Variants in MED13L observed in about 807,000 individuals in gnomAD.
The protein encoded by MED13L is mediator complex subunit 13L, also known as mediator of RNA polymerase II transcription subunit 13-like.
Under a neutral mutation model 220.9 loss-of-function variants are expected in MED13L, and 7 were observed. The ratio of observed to expected loss-of-function variants is 0.03; its 90% CI spans 0.02 to 0.06. MED13L has a LOEUF of 0.06. MED13L is among the 10% of genes least tolerant of loss of function. The pLI is 1.00. For missense variants in MED13L, 1,965 were observed against 2,760.5 expected, an observed-to-expected ratio of 0.71 and a Z score of 6.46; for synonymous variants, 1,011 against 1,015.2, an observed-to-expected ratio of 1.00 and a Z score of 0.08.
intron 4 of MED13L, among the ~76,000 whole-genome samples, chr12:116,033,601 T>C (rs1880988424): frequency 6.6e-6 from 1 of 152,204 alleles, no homozygotes; most frequent in Admixed American, 6.5e-5. Context: ...CATCAAAATA[T>C]ATTGTTTCAA....
chr12:116,198,261 C>A (rs1433317191), intron 2 of MED13L, among the ~76,000 whole-genome samples: 2 of 152,088 alleles, frequency 1.3e-5, no homozygotes, highest in African/African-American at 4.8e-5. Flanking sequence ...CTGTCCTCAC[C>A]CTACCTTTTT....
chr12:115,966,218 C>T lies in MED13L; in HGVS notation c.6251G>A (p.Arg2084Lys), dbSNP rs1321541569. ...SRSQGERLLSREAPEELKQQP... is the reference protein window; with the variant it reads ...SRSQGERLLSKEAPEELKQQP... ...CTGCTTTAGCTCCTCTGGTGCTTCTCTAGAAAGAAGACGCTCACCCTGGCT... is the reference window on the plus strand; with the variant it reads ...CTGCTTTAGCTCCTCTGGTGCTTCTTTAGAAAGAAGACGCTCACCCTGGCT... The change falls in exon 29 of 31, where the codon AGA becomes AAA. Residue 2084 changes from arginine to lysine, a missense_variant. Around this residue, in one of 10 missense-constraint regions of MED13L, gnomAD observed 145 missense variants for 328.3 expected, o/e 0.44. Coordinates refer to ENST00000281928, the MANE Select transcript of MED13L (RefSeq NM_015335.5). 6.2e-7 allele frequency: 1 copy of T among 1,614,142 alleles called. No individual in the cohort carries two copies. Among genetic ancestry groups the T allele is most frequent in the Admixed American group, 1.7e-5 (1 of 60,022 alleles).
chr12:116,252,171 C>A (rs1565950611), intron 1 of MED13L, among the ~76,000 whole-genome samples: 2 of 152,050 alleles, frequency 1.3e-5, no homozygotes, highest in Non-Finnish European at 2.9e-5. Flanking sequence ...TGAACACTAT[C>A]AACCAAAATA....
chr12:116,202,062 G>A (rs1882036338), intron 2 of MED13L, among the ~76,000 whole-genome samples: 2 of 152,146 alleles, frequency 1.3e-5, no homozygotes, highest in South Asian at 4.1e-4. Context: ...CACATTCCTA[G>A]AAGACAATAT....
intron 29 of MED13L, among the ~76,000 whole-genome samples, chr12:115,963,861 T>G (rs1451115637): frequency 6.6e-6 from 1 of 152,168 alleles, no homozygotes; most frequent in African/African-American, 2.4e-5. Flanking sequence ...TTATCAATAT[T>G]CACCACTTTT....
intron 4 of MED13L, among the ~76,000 whole-genome samples, chr12:116,031,839 T>C (rs1343363988): frequency 1.3e-5 from 2 of 150,572 alleles, no homozygotes; most frequent in Non-Finnish European, 3.0e-5. Flanking sequence ...AAAGTGGTGA[T>C]GCTATCTTTA....
chr12:116,225,594 T>C (rs1330567466), intron 2 of MED13L, among the ~76,000 whole-genome samples: 4 of 152,250 alleles, frequency 2.6e-5, no homozygotes, highest in South Asian at 2.1e-4. Flanking sequence ...CTAAAAAATA[T>C]AGTGCCTGAA....
chr12:116,134,749 G>A (rs567558839), intron 2 of MED13L, among the ~76,000 whole-genome samples: 1 of 152,240 alleles, frequency 6.6e-6, no homozygotes, highest in South Asian at 2.1e-4. Context: ...TGCTATTTAC[G>A]ATGATACGCC....
chr12:116,266,995 T>A (rs562228022), intron 1 of MED13L, among the ~76,000 whole-genome samples: 4 of 152,364 alleles, frequency 2.6e-5, no homozygotes, highest in African/African-American at 7.2e-5. Context: ...AACTAAAACA[T>A]GATTTAGTCT....
At position 116,008,522 on chromosome 12, in the gene MED13L, T is replaced by C; in HGVS notation, c.1891A>G (p.Lys631Glu). 6.2e-7 allele frequency: 1 copy of C among 1,613,940 alleles called. No individual in the cohort carries two copies. Among genetic ancestry groups the C allele is most frequent in the Non-Finnish European group, 8.5e-7 (1 of 1,179,982 alleles). ...IRPSNPESSE[K>E]WWHSYRLPPS... is the part of the protein sequence containing the mutation. ...GGGAGACGATAACTATGCCACCACT[T>C]TTCTGATGACTCCGGGTTCGAGGGC... The change falls in exon 10 of 31, where the codon AAG (lysine) becomes GAG (glutamate). Residue 631 changes from lysine to glutamate, a missense_variant. Lys to Glu is a moderately conservative substitution (Grantham distance 56). Around this residue, in one of 10 missense-constraint regions of MED13L, gnomAD observed 818 missense variants for 1,041.2 expected, o/e 0.79. Coordinates refer to ENST00000281928, the MANE Select transcript of MED13L (RefSeq NM_015335.5).
chr12:115,973,545 A>G (rs934176452), intron 25 of MED13L, among the ~76,000 whole-genome samples: 3 of 152,216 alleles, frequency 2.0e-5, no homozygotes, highest in Non-Finnish European at 4.4e-5. Flanking sequence ...GATGGCCTTA[A>G]TAATTTTCCA....
At chr12:116,009,241 G>T (rs1355807747) in intron 9 of MED13L, 109 bp from the exon 10 acceptor site, 2 of 1,068,904 alleles carry the variant, frequency 1.9e-6, no homozygotes, top group Non-Finnish European at 2.7e-6. Context: ...ATATAAAAGG[G>T]CTCTAAGTTT....
At chr12:116,048,266 G>A (rs1360881061) in intron 4 of MED13L, among the ~76,000 whole-genome samples, 1 of 152,132 alleles carries the variant, frequency 6.6e-6, no homozygotes, top group Non-Finnish European at 1.5e-5. Context: ...GAGTCACTGG[G>A]GCAGTGCTTC....
In MED13L at chr12:115,980,887, A is replaced by G. The variant is rs1457882409; in HGVS notation, c.5227T>C (p.Tyr1743His). 8 of 1,613,598 alleles carry G rather than the reference A, an allele frequency of 5.0e-6. No homozygotes were observed. The East Asian group carries it at 1.8e-4, about 36-fold the overall frequency. Residue 1743 changes from tyrosine (Y) to histidine (H), a missense_variant, in exon 23 of 31, where the codon TAC (tyrosine) becomes CAC (histidine). By Grantham distance (83) the Tyr-to-His change is moderately conservative. This residue lies in a region of MED13L where 510 missense variants were observed against 620.4 expected (regional missense o/e 0.82). Coordinates refer to ENST00000281928, the MANE Select transcript of MED13L (RefSeq NM_015335.5). ...LQTMKDEQVFYIQYLKSMAFS... is the reference protein window; with the variant it reads ...LQTMKDEQVFHIQYLKSMAFS... ...GCCATGGACTTCAAGTATTGAATGT[A>G]GAAAACTTGCTCATCCTTCATTGTC...
intron 4 of MED13L, among the ~76,000 whole-genome samples, chr12:116,093,155 G>A (rs1872376152): frequency 1.3e-5 from 2 of 151,980 alleles, no homozygotes; most frequent in South Asian, 4.2e-4. Flanking sequence ...GATTTTCACC[G>A]GTTTGTTTTA....
chr12:115,966,970 G>A (rs796867473), intron 28 of MED13L, among the ~76,000 whole-genome samples: 21 of 151,962 alleles, frequency 1.4e-4, no homozygotes, highest in African/African-American at 5.1e-4. Flanking sequence ...TCAGAATTTC[G>A]AGACCTGCCT....
intron 2 of MED13L, chr12:116,168,910 T>C (rs544744842): frequency 3.3e-5 from 5 of 152,216 alleles, no homozygotes; most frequent in Non-Finnish European, 5.9e-5. Context: ...TATTAATTCA[T>C]TTAAACACAG....
At chr12:116,088,089 T>C (rs763200061) in intron 4 of MED13L, among the ~76,000 whole-genome samples, 2 of 152,102 alleles carry the variant, frequency 1.3e-5, no homozygotes, top group Non-Finnish European at 2.9e-5. Context: ...GGAAAGAGTT[T>C]ACCACCAGAA....
intron 3 of MED13L, among the ~76,000 whole-genome samples, chr12:116,101,573 C>A (rs1426300819): frequency 6.6e-6 from 1 of 152,114 alleles, no homozygotes. Context: ...TTCTTTATAG[C>A]CCATCGTATC....
Sources: allele counts gnomAD v4.1 joint callset (sites outside exome capture counted in the v4.1 genomes callset), GRCh38; gene constraint gnomAD v4.1.1; regional missense constraint gnomAD v4.1.1; transcripts MANE v1.5; gene names NCBI Gene and HGNC (gene_info 2026-07-23, HGNC 2026-07-21).